The following ASAP2 variants were observed in gnomAD, a reference collection of about 807,000 sequenced individuals.
The protein encoded by ASAP2 is ArfGAP with SH3 domain, ankyrin repeat and PH domain 2.
ASAP2 carries 45 observed loss-of-function variants against 131.4 expected under a neutral mutation model. The ratio of observed to expected loss-of-function variants is 0.34; its 90% confidence interval spans 0.27 to 0.44. ASAP2 has a LOEUF of 0.44. Ranked by LOEUF, ASAP2 falls within the 20% of genes least tolerant of loss-of-function variation. ASAP2 has a pLI of 1.00. For synonymous variants in ASAP2, 510 were observed against 503.0 expected, an observed-to-expected ratio of 1.01 and a Z score of -0.19; for missense variants, 1,011 against 1,297.0, an observed-to-expected ratio of 0.78 and a Z score of 3.39.
intron 1 of ASAP2, among the ~76,000 whole-genome samples, chr2:9,236,980 G>A (rs1370180034): frequency 6.6e-6 from 1 of 152,134 alleles, no homozygotes. Flanking sequence ...AGACGGGCAG[G>A]CGGACCAGGC....
chr2:9,220,249 C>T (rs976346721), intron 1 of ASAP2, among the ~76,000 whole-genome samples: 2 of 152,158 alleles, frequency 1.3e-5, no homozygotes, highest in African/African-American at 4.8e-5. Flanking sequence ...GTCACTTTAA[C>T]TTTTTAAACT....
chr2:9,368,102 G>T (rs1393634819), intron 15 of ASAP2, among the ~76,000 whole-genome samples: 1 of 152,206 alleles, frequency 6.6e-6, no homozygotes. Context: ...ATTCACTTTG[G>T]TTGAGGCACA....
At chr2:9,292,445 G>C (rs149506867) in intron 2 of ASAP2, among the ~76,000 whole-genome samples, 1 of 152,260 alleles carries the variant, frequency 6.6e-6, no homozygotes, top group East Asian at 1.9e-4. Context: ...TTGAACCCAG[G>C]AGTTGGAGGT....
rs1174649244 is a variant in ASAP2, at chr2:9,404,874, TTTTTTG to T, written c.*1559_*1564del. The T allele has an allele frequency of 6.6e-6, 1 of 152,514 alleles. No individual in the cohort carries two copies. Among genetic ancestry groups the T allele is most frequent in the African/African-American group, 2.4e-5 (1 of 41,424 alleles). The allele number at this position is 152,514 out of a possible 1,614,324, so 9.4% of individuals were successfully genotyped here. On this transcript the variant is annotated 3_prime_UTR_variant, in exon 28 of 28. Transcript: ENST00000281419. ...GGGTAAAAATGTGTTATATCTGTAG[TTTTTTG>T]TTTTTGTTTTTTTTTAAAGCACTAC... is the stretch of plus-strand genomic sequence containing the variant.
chr2:9,250,190 C>T (rs778592771), intron 1 of ASAP2, among the ~76,000 whole-genome samples: 3 of 152,172 alleles, frequency 2.0e-5, no homozygotes, highest in Non-Finnish European at 4.4e-5. Flanking sequence ...GCATTTAACA[C>T]GCTGCCTGAC....
Position 9,207,104 on chromosome 2 carries a change from G to T in ASAP2, c.-1G>T, listed in dbSNP as rs1483679221. 1 of 1,580,756 alleles carries T rather than the reference G, an allele frequency of 6.3e-7. No individual in the cohort carries two copies. The highest frequency in any genetic ancestry group is 1.1e-5 in the South Asian group (1 of 87,970). ...TGCGCCAGCGCCCTCGCGCCGAGGC[G>T]ATGCCGGACCAGATCTCCGTGTCGG... On this transcript the variant is annotated 5_prime_UTR_variant, in exon 1 of 28. Coordinates refer to ENST00000281419, the MANE Select transcript of ASAP2 (RefSeq NM_003887.3). The surrounding 1 kb of genome is among the most constrained non-coding windows in gnomAD (Gnocchi z 4.1).
At chr2:9,384,453 T>A (rs2148759822) in intron 20 of ASAP2, among the ~76,000 whole-genome samples, 1 of 152,280 alleles carries the variant, frequency 6.6e-6, no homozygotes, top group East Asian at 1.9e-4. Context: ...TAGTGTTAGA[T>A]CCCACAGGCT....
At chr2:9,328,533 CTT>C (rs973583178) in intron 7 of ASAP2, among the ~76,000 whole-genome samples, 57 of 152,264 alleles carry the variant, frequency 3.7e-4, no homozygotes, top group African/African-American at 1.3e-3. Context: ...TAAGAAAACA[CTT>C]TTATATATTA....
chr2:9,284,838 T>C (rs972626641), intron 2 of ASAP2, among the ~76,000 whole-genome samples: 1 of 152,238 alleles, frequency 6.6e-6, no homozygotes, highest in Non-Finnish European at 1.5e-5. Context: ...GTAAGTGGTG[T>C]GTGTTACGAC....
chr2:9,379,661 T>C (rs1259316140), intron 19 of ASAP2, among the ~76,000 whole-genome samples: 5 of 152,018 alleles, frequency 3.3e-5, no homozygotes, highest in Non-Finnish European at 7.4e-5. Context: ...GAGGAAAGAA[T>C]AGAAAAAAGA....
At chr2:9,211,935 C>T (rs1661588860) in intron 1 of ASAP2, among the ~76,000 whole-genome samples, 1 of 152,174 alleles carries the variant, frequency 6.6e-6, no homozygotes, top group Admixed American at 6.5e-5. Context: ...CTTGATGGGT[C>T]AAACAGGGCC....
chr2:9,284,109 G>A (rs1667311143), intron 2 of ASAP2, among the ~76,000 whole-genome samples: 1 of 152,198 alleles, frequency 6.6e-6, no homozygotes, highest in Non-Finnish European at 1.5e-5. Context: ...CAGCTGATTA[G>A]CAACTGTATT....
intron 11 of ASAP2, among the ~76,000 whole-genome samples, chr2:9,349,559 T>C (rs1672197542): frequency 6.6e-6 from 1 of 152,258 alleles, no homozygotes; most frequent in Non-Finnish European, 1.5e-5. Flanking sequence ...CTTCTAATAC[T>C]GATTTCTGAC....
Position 9,388,282 on chromosome 2 carries a change from G to A in ASAP2, c.2131-12G>A, listed in dbSNP as rs368014487. The A allele has an allele frequency of 8.1e-6, 13 of 1,613,152 alleles. No individual in the cohort carries two copies. Among genetic ancestry groups the A allele is most frequent in the Middle Eastern group, 1.8e-4 (1 of 5,694 alleles). Reference sequence around the variant, plus strand: ...TTGTCTCACACGCCTCTGCCCCAATGTTCTCCTGCAGCCCAGTCCCAACCG... The same window carrying A: ...TTGTCTCACACGCCTCTGCCCCAATATTCTCCTGCAGCCCAGTCCCAACCG... On this transcript the variant is annotated splice_polypyrimidine_tract_variant and intron_variant, in intron 21 of 27. Coordinates refer to ENST00000281419, the MANE Select transcript of ASAP2 (RefSeq NM_003887.3).
At position 9,404,397 on chromosome 2, in the gene ASAP2, C is replaced by T. The variant is rs1315337265; in HGVS notation, c.*1070C>T. 1 of 152,214 alleles carries T rather than the reference C, an allele frequency of 6.6e-6. No homozygotes were observed. The highest frequency in any genetic ancestry group is 2.4e-5 in the African/African-American group (1 of 41,448). The allele number at this position is 152,214 out of a possible 1,614,324, so 9.4% of individuals were successfully genotyped here. A position where few individuals can be genotyped will look rare whatever the true frequency, so the allele number is the denominator to read the frequency against. The stretch of plus-strand genomic sequence containing the variant: ...CCAGGTAATACTCCCAAACATCCCA[C>T]TTTTTACTGTTTCAGGCCATCATAT... On this transcript the variant is annotated 3_prime_UTR_variant, in exon 28 of 28. Transcript: ENST00000281419.
intron 1 of ASAP2, among the ~76,000 whole-genome samples, chr2:9,246,268 T>G (rs577005942): frequency 5.3e-5 from 8 of 152,346 alleles, no homozygotes; most frequent in African/African-American, 1.9e-4. Context: ...CTTATTACAC[T>G]GAGCAAACTA....
At chr2:9,229,150 C>G (rs1422764732) in intron 1 of ASAP2, among the ~76,000 whole-genome samples, 1 of 147,782 alleles carries the variant, frequency 6.8e-6, no homozygotes, top group South Asian at 2.1e-4. Flanking sequence ...AGATGTGGAG[C>G]CCCCCCCGCA....
intron 19 of ASAP2, among the ~76,000 whole-genome samples, chr2:9,380,305 C>T (rs528783995): frequency 5.6e-4 from 86 of 152,226 alleles, no homozygotes; most frequent in African/African-American, 1.7e-3. Flanking sequence ...TCAAGCGATT[C>T]TTCTGCCTCA....
At chr2:9,357,355 T>G (rs1324515423) in intron 14 of ASAP2, among the ~76,000 whole-genome samples, 1 of 152,038 alleles carries the variant, frequency 6.6e-6, no homozygotes, top group African/African-American at 2.4e-5. Flanking sequence ...AGTGCGCACA[T>G]GTAGTCCCAG....
Sources: gnomAD v4.1 joint callset for allele counts (sites outside exome capture counted in the v4.1 genomes callset) on GRCh38, gnomAD v4.1.1 for gene constraint, Gnocchi (gnomAD v3.1) non-coding constraint, MANE v1.5 for transcripts, NCBI Gene and HGNC (gene_info 2026-07-23, HGNC 2026-07-21) for gene names.